The following TRIM38 variants were observed in gnomAD, a reference collection of about 807,000 sequenced individuals.
The protein encoded by TRIM38 is tripartite motif containing 38.
TRIM38 carries 35 observed loss-of-function variants against 35.8 expected under a neutral mutation model. The observed-to-expected ratio is 0.98, with a 90% CI of 0.75 to 1.30. TRIM38 has a LOEUF of 1.30. Ranked by LOEUF, TRIM38 falls within the 50% of genes most tolerant of loss-of-function variation. The pLI is 0.00. For synonymous variants in TRIM38, 198 were observed against 204.7 expected, an observed-to-expected ratio of 0.97 and a Z score of 0.28; for missense variants, 545 against 556.9, an observed-to-expected ratio of 0.98 and a Z score of 0.21.
chr6:25,990,727 T>C lies in TRIM38; in HGVS notation c.*7040T>C, dbSNP rs950931404. 1 of 151,780 alleles carries C rather than the reference T, an allele frequency of 6.6e-6. No individual in the cohort carries two copies. The highest frequency in any genetic ancestry group is 6.6e-5 in the Admixed American group (1 of 15,254). 9.4% of individuals were successfully genotyped at this position (151,780 alleles called of 1,614,324 possible). A position where few individuals can be genotyped will look rare whatever the true frequency, so the allele number is the denominator to read the frequency against. Reference sequence around the variant, plus strand: ...AATAATTAAATAAAAATGAAAATAATCAGTATTTCAATTTAATTACTAATT... The same window carrying C: ...AATAATTAAATAAAAATGAAAATAACCAGTATTTCAATTTAATTACTAATT... On this transcript the variant is annotated 3_prime_UTR_variant, in exon 8 of 8. Coordinates refer to ENST00000357085, the MANE Select transcript of TRIM38 (RefSeq NM_006355.5).
At chr6:25,980,966 T>G (rs999756423) in intron 7 of TRIM38, among the ~76,000 whole-genome samples, 3 of 152,206 alleles carry the variant, frequency 2.0e-5, no homozygotes, top group Non-Finnish European at 4.4e-5. Context: ...TAATATGAAT[T>G]GAAACCCCAA....
chr6:25,975,970 T>C (rs919345940), intron 7 of TRIM38, among the ~76,000 whole-genome samples: 8 of 152,204 alleles, frequency 5.3e-5, no homozygotes, highest in South Asian at 2.1e-4. Context: ...TATGGTACCA[T>C]ATTACTTGAC....
rs1760801352 is a variant in TRIM38 at position 25,989,962 on chromosome 6, T to A, written c.*6275T>A. 1 of 152,100 alleles carries A rather than the reference T, an allele frequency of 6.6e-6. No individual in the cohort carries two copies. 9.4% of individuals were successfully genotyped at this position (152,100 alleles called of 1,614,324 possible). On this transcript the variant is annotated 3_prime_UTR_variant, in exon 8 of 8. Coordinates refer to ENST00000357085, the MANE Select transcript of TRIM38 (RefSeq NM_006355.5). ...GAAGAAAATTACTGATCAAATTCAC[T>A]ATGTATTTGCAGAAAATGGCTTTCA...
At chr6:25,964,441 G>A (rs1460402153) in intron 2 of TRIM38, among the ~76,000 whole-genome samples, 2 of 152,172 alleles carry the variant, frequency 1.3e-5, no homozygotes, top group African/African-American at 4.8e-5. Flanking sequence ...TGGAGGAACA[G>A]AGTTTAACTT....
At chr6:25,979,417 C>T (rs1407162702) in intron 7 of TRIM38, among the ~76,000 whole-genome samples, 1 of 151,946 alleles carries the variant, frequency 6.6e-6, no homozygotes, top group African/African-American at 2.4e-5. Context: ...TAGGTCTGCC[C>T]ATGCTTTATT....
chr6:25,972,920 A>T lies in TRIM38; in HGVS notation c.739-134A>T, dbSNP rs535986593. 3 of 1,113,614 alleles carry T rather than the reference A, an allele frequency of 2.7e-6. No homozygotes were observed. The South Asian group carries it at 4.6e-5, about 17-fold the overall frequency. 69.0% of individuals were successfully genotyped at this position (1,113,614 alleles called of 1,614,324 possible). A position where few individuals can be genotyped will look rare whatever the true frequency, so the allele number is the denominator to read the frequency against. On this transcript the variant is annotated intron_variant, in intron 5 of 7. Transcript: ENST00000357085. ...TGGGAATTACTTTGTTTGAGTATCC[A>T]TCAATATCTAAGACTAAGACTAGGG... is the stretch of plus-strand genomic sequence containing the variant.
intron 4 of TRIM38, among the ~76,000 whole-genome samples, chr6:25,969,868 A>G (rs115780128): frequency 0.016 from 2,421 of 152,252 alleles, 59 homozygotes; most frequent in African/African-American, 0.045. Context: ...CCAGATTGAA[A>G]TTCATACTAC....
rs181215825 is a variant in TRIM38 at position 25,991,020 on chromosome 6, T to G, written c.*7333T>G. 3 of 152,340 alleles carry G rather than the reference T, an allele frequency of 2.0e-5. No homozygotes were observed. Among genetic ancestry groups the G allele is most frequent in the Admixed American group, 1.3e-4 (2 of 15,298 alleles). The allele number at this position is 152,340 out of a possible 1,614,324, so 9.4% of individuals were successfully genotyped here. ...ACTGTCATATTCCGGGCATCGGGTG[T>G]CCCCATCCTCACTTCAGTCCACAGG... On this transcript the variant is annotated 3_prime_UTR_variant, in exon 8 of 8. Coordinates refer to ENST00000357085, the MANE Select transcript of TRIM38 (RefSeq NM_006355.5).
chr6:25,965,114 G>T (rs1248886965), intron 2 of TRIM38, among the ~76,000 whole-genome samples: 2 of 152,052 alleles, frequency 1.3e-5, no homozygotes, highest in African/African-American at 2.4e-5. Flanking sequence ...TGCTGGCCTG[G>T]TAACAATTAT....
Position 25,983,396 on chromosome 6 carries a change from GA to G in TRIM38, c.1108del (p.Arg370GlyfsTer5). ...TAGGAGTTTGTATGGAAAATGTGCA[GA>G]GGGGCACTGGCATGAAGCAAGAGCC... ...DLGVCMENVQ[R>X]GTGMKQEPQS... On this transcript the variant is annotated frameshift_variant, in exon 8 of 8. Coordinates refer to ENST00000357085, the MANE Select transcript of TRIM38 (RefSeq NM_006355.5). LOFTEE classifies it low-confidence loss of function (END_TRUNC). 1 of 1,614,136 alleles carries G rather than the reference GA, an allele frequency of 6.2e-7. No homozygotes were observed. Among genetic ancestry groups the G allele is most frequent in the Non-Finnish European group, 8.5e-7 (1 of 1,180,028 alleles).
rs1554143882 is a variant in TRIM38 at position 25,988,496 on chromosome 6, C to CTTTCT, written c.*4812_*4813insCTTTT. The CTTTCT allele has an allele frequency of 2.9e-4, 18 of 63,026 alleles. 1 individual carries two copies. The highest frequency in any genetic ancestry group is 1.2e-3 in the African/African-American group (17 of 14,180). The allele number at this position is 63,026 out of a possible 1,614,324, so 3.9% of individuals were successfully genotyped here. On this transcript the variant is annotated 3_prime_UTR_variant, in exon 8 of 8. Transcript: ENST00000357085. ...TTTCTTTTTCTTTTTTCTTTTCTTT[C>CTTTCT]TTTTTTTTTTTTTTTTTGAGACAGA...
At chr6:25,964,558 A>C (rs892856498) in intron 2 of TRIM38, among the ~76,000 whole-genome samples, 1 of 152,196 alleles carries the variant, frequency 6.6e-6, no homozygotes, top group Non-Finnish European at 1.5e-5. Context: ...TCTTCAGTAC[A>C]AAATGAGATA....
chr6:25,977,658 C>A (rs1334836736), intron 7 of TRIM38, among the ~76,000 whole-genome samples: 1 of 141,618 alleles, frequency 7.1e-6, no homozygotes, highest in Admixed American at 7.4e-5. Context: ...CAGAGTAAGA[C>A]TCCATCTCAA....
rs1003386708 is a variant in TRIM38 at position 25,985,880 on chromosome 6, TAAGA to T, written c.*2199_*2202del. On this transcript the variant is annotated 3_prime_UTR_variant, in exon 8 of 8. Coordinates refer to ENST00000357085, the MANE Select transcript of TRIM38 (RefSeq NM_006355.5). ...ATCCCTAAGCACTTAGATTGCTGAA[TAAGA>T]AAGAATGATAATAAAATAAACAATT... 5.3e-4 allele frequency: 80 copies of T among 152,052 alleles called. No individual in the cohort carries two copies. The highest frequency in any genetic ancestry group is 1.9e-3 in the African/African-American group (78 of 41,404). 9.4% of individuals were successfully genotyped at this position (152,052 alleles called of 1,614,324 possible).
rs199895933 is a variant in TRIM38 at position 25,983,420 on chromosome 6, G to C, written c.1131G>C (p.Glu377Asp). The change falls in exon 8 of 8, where the codon GAG becomes GAC. Residue 377 changes from glutamate (E) to aspartate (D), a missense_variant. By Grantham distance (45) the Glu-to-Asp change is conservative. Coordinates refer to ENST00000357085, the MANE Select transcript of TRIM38 (RefSeq NM_006355.5). ...NVQRGTGMKQ[E>D]PQSGFWTLRL... is the part of the protein sequence containing the mutation. ...AGAGGGGCACTGGCATGAAGCAAGA[G>C]CCTCAGTCTGGATTCTGGACCCTCA... 5.6e-6 allele frequency: 9 copies of C among 1,614,162 alleles called. No individual in the cohort carries two copies. The East Asian group carries it at 2.0e-4, about 36-fold the overall frequency.
intron 7 of TRIM38, among the ~76,000 whole-genome samples, chr6:25,979,298 G>A (rs1168606860): frequency 6.6e-6 from 1 of 152,010 alleles, no homozygotes; most frequent in Non-Finnish European, 1.5e-5. Context: ...CTCATGCCTT[G>A]ACTTCTAAAT....
rs1012530900 is a variant in TRIM38 at position 25,987,467 on chromosome 6, C to A, written c.*3780C>A. On this transcript the variant is annotated 3_prime_UTR_variant, in exon 8 of 8. Coordinates refer to ENST00000357085, the MANE Select transcript of TRIM38 (RefSeq NM_006355.5). ...CTTATAAGGGACCAGTCCCATCATGCCCATCATGAAGACTCGATCTGCTAG... is the reference window on the plus strand; with the variant it reads ...CTTATAAGGGACCAGTCCCATCATGACCATCATGAAGACTCGATCTGCTAG... 1 of 152,128 alleles carries A rather than the reference C, an allele frequency of 6.6e-6. No individual in the cohort carries two copies. Among genetic ancestry groups the A allele is most frequent in the Non-Finnish European group, 1.5e-5 (1 of 68,022 alleles). The allele number at this position is 152,128 out of a possible 1,614,324, so 9.4% of individuals were successfully genotyped here.
At chr6:25,963,466 C>T (rs1181724558) in intron 2 of TRIM38, among the ~76,000 whole-genome samples, 184 bp downstream of exon 2, 1 of 152,070 alleles carries the variant, frequency 6.6e-6, no homozygotes, top group African/African-American at 2.4e-5. Context: ...CTCCTGGTCA[C>T]TCCTCTGTTG....
intron 7 of TRIM38, among the ~76,000 whole-genome samples, chr6:25,977,109 T>A (rs1760417707): frequency 6.6e-6 from 1 of 152,244 alleles, no homozygotes; most frequent in African/African-American, 2.4e-5. Flanking sequence ...TGCATTTTCA[T>A]CCTGTTTTTT....
Sources: allele counts gnomAD v4.1 joint callset (sites outside exome capture counted in the v4.1 genomes callset), GRCh38; gene constraint gnomAD v4.1.1; transcripts MANE v1.5; gene names NCBI Gene and HGNC (gene_info 2026-07-23, HGNC 2026-07-21).